Variants in CDK14 observed in about 807,000 individuals in gnomAD.
CDK14 encodes cyclin-dependent kinase 14.
In CDK14, 34 loss-of-function variants were observed where a neutral mutation model predicts 60.7. The observed-to-expected ratio is 0.56, with a 90% CI of 0.43 to 0.75. The LOEUF (loss-of-function observed/expected upper bound fraction) is 0.75. Among genes scored for constraint, CDK14 ranks in the 30% least tolerant of loss-of-function variants. The pLI is 0.00. For missense variants in CDK14, 482 were observed against 564.1 expected (o/e 0.85, Z 1.47); for synonymous variants, 197 against 203.7 (o/e 0.97, Z 0.28).
intron 9 of CDK14, among the ~76,000 whole-genome samples, chr7:90,960,803 G>A (rs1283026434): frequency 6.6e-6 from 1 of 152,014 alleles, no homozygotes; most frequent in Non-Finnish European, 1.5e-5. Flanking sequence ...ATGTTTTAAG[G>A]TAGAGAATCA....
chr7:90,843,984 A>G (rs991852195), intron 5 of CDK14, among the ~76,000 whole-genome samples: 7 of 152,248 alleles, frequency 4.6e-5, no homozygotes, highest in Non-Finnish European at 8.8e-5. Flanking sequence ...CCCTATTTTC[A>G]TAGAGCTGCC....
At chr7:90,653,776 G>C (rs146546801) in intron 2 of CDK14, among the ~76,000 whole-genome samples, 2 of 151,948 alleles carry the variant, frequency 1.3e-5, no homozygotes, top group Non-Finnish European at 2.9e-5. Flanking sequence ...CCATTAACTC[G>C]TCATTTACAT....
chr7:91,096,724 C>T (rs1455953047), intron 12 of CDK14, among the ~76,000 whole-genome samples: 3 of 152,136 alleles, frequency 2.0e-5, no homozygotes, highest in South Asian at 2.1e-4. Context: ...TATTAATTAA[C>T]ATTAAAAGGA....
intron 10 of CDK14, among the ~76,000 whole-genome samples, chr7:91,012,569 T>C (rs183140774): frequency 6.6e-6 from 1 of 152,302 alleles, no homozygotes; most frequent in Admixed American, 6.5e-5. Flanking sequence ...AGGCAGCAAA[T>C]TGGAGCAATC....
intron 14 of CDK14, among the ~76,000 whole-genome samples, chr7:91,167,993 T>C (rs1311335036): frequency 6.6e-6 from 1 of 152,084 alleles, no homozygotes; most frequent in Admixed American, 6.6e-5. Flanking sequence ...GCCGGGCATG[T>C]TGGCTTATGC....
At chr7:90,697,446 T>G (rs533985832) in intron 2 of CDK14, among the ~76,000 whole-genome samples, 57 of 152,298 alleles carry the variant, frequency 3.7e-4, no homozygotes, top group Non-Finnish European at 6.2e-4. Flanking sequence ...TTCTCCTGCC[T>G]TGGCCTCCCA....
intron 8 of CDK14, among the ~76,000 whole-genome samples, chr7:90,922,094 G>T (rs144256276): frequency 6.6e-6 from 1 of 152,118 alleles, no homozygotes; most frequent in East Asian, 1.9e-4. Flanking sequence ...TGTTAGTCCC[G>T]AAGGTACAGA....
intron 4 of CDK14, among the ~76,000 whole-genome samples, chr7:90,785,937 T>A (rs1045248556): frequency 7.2e-5 from 11 of 152,196 alleles, no homozygotes; most frequent in Non-Finnish European, 1.2e-4. Flanking sequence ...TAGAAACAGT[T>A]TGAAAGTTGG....
intron 11 of CDK14, among the ~76,000 whole-genome samples, chr7:91,046,934 CTT>C (rs765059655): frequency 7.9e-5 from 12 of 152,108 alleles, no homozygotes; most frequent in African/African-American, 1.2e-4. Flanking sequence ...TATTTTTACT[CTT>C]AATATTTTTC....
At chr7:90,850,418 G>A (rs1360696954) in intron 5 of CDK14, among the ~76,000 whole-genome samples, 1 of 152,122 alleles carries the variant, frequency 6.6e-6, no homozygotes, top group African/African-American at 2.4e-5. Flanking sequence ...AGTGAGTGGG[G>A]GATATAGACA....
intron 9 of CDK14, among the ~76,000 whole-genome samples, chr7:90,965,040 CT>C (rs1407287130): frequency 2.0e-5 from 3 of 152,116 alleles, no homozygotes; most frequent in Non-Finnish European, 1.5e-5. Context: ...GTTCCATTTA[CT>C]TTTTTTACGT....
chr7:90,774,369 A>T (rs1804928172), intron 4 of CDK14, among the ~76,000 whole-genome samples: 1 of 152,224 alleles, frequency 6.6e-6, no homozygotes, highest in African/African-American at 2.4e-5. Flanking sequence ...TTTTAACTTG[A>T]TAATGGTCTT....
intron 4 of CDK14, among the ~76,000 whole-genome samples, chr7:90,759,934 G>A (rs1804249086): frequency 6.6e-6 from 1 of 152,168 alleles, no homozygotes; most frequent in Non-Finnish European, 1.5e-5. Context: ...GCAGGAGCCT[G>A]CCAAAGAAAA....
intron 2 of CDK14, among the ~76,000 whole-genome samples, chr7:90,715,863 C>T (rs1157161528): frequency 3.3e-5 from 5 of 151,722 alleles, no homozygotes; most frequent in South Asian, 2.1e-4. Flanking sequence ...CAAAGTCACC[C>T]GCTTGCTCTG....
chr7:90,794,261 G>C (rs776891855), intron 5 of CDK14, among the ~76,000 whole-genome samples: 1 of 152,100 alleles, frequency 6.6e-6, no homozygotes, highest in African/African-American at 2.4e-5. Context: ...GGACCGGGGC[G>C]AAATTAAAAT....
At chr7:90,859,774 G>A (rs1033972872) in intron 5 of CDK14, among the ~76,000 whole-genome samples, 2 of 152,052 alleles carry the variant, frequency 1.3e-5, no homozygotes, top group East Asian at 3.8e-4. Context: ...CACTCTTGGT[G>A]TTGTAAATCT....
At chr7:90,678,117 C>A (rs1584788088) in intron 2 of CDK14, among the ~76,000 whole-genome samples, 1 of 152,174 alleles carries the variant, frequency 6.6e-6, no homozygotes, top group East Asian at 1.9e-4. Flanking sequence ...AAGCCACAGC[C>A]TTTGTTGAGG....
At chr7:91,154,846 C>T (rs1800937969) in intron 14 of CDK14, among the ~76,000 whole-genome samples, 1 of 152,102 alleles carries the variant, frequency 6.6e-6, no homozygotes, top group African/African-American at 2.4e-5. Context: ...AAATCTTTGA[C>T]AAATCAGTCA....
intron 14 of CDK14, among the ~76,000 whole-genome samples, chr7:91,195,141 A>G (rs1330745698): frequency 6.6e-6 from 1 of 152,248 alleles, no homozygotes; most frequent in Non-Finnish European, 1.5e-5. Context: ...ATCAAACATT[A>G]CAGCCTTCAC....
Sources: allele counts gnomAD v4.1 joint callset (sites outside exome capture counted in the v4.1 genomes callset), GRCh38; gene constraint gnomAD v4.1.1; transcripts MANE v1.5; gene names NCBI Gene and HGNC (gene_info 2026-07-23, HGNC 2026-07-21).